The following LGR6 variants were observed in gnomAD, a reference collection of about 807,000 sequenced individuals.
LGR6 encodes the protein leucine-rich repeat-containing G protein-coupled receptor 6.
LGR6 carries 45 observed loss-of-function variants against 69.4 expected under a neutral mutation model. That is an observed-to-expected ratio of 0.65 (90% CI 0.51 to 0.83). The LOEUF is 0.83. LGR6 is among the 40% of genes least tolerant of loss of function. The pLI is 0.00. For missense variants in LGR6, 1,108 were observed against 1,246.7 expected (o/e 0.89, Z 1.68); for synonymous variants, 538 against 555.0 (o/e 0.97, Z 0.43).
chr1:202,197,108 A>G (rs748751473), intron 1 of LGR6: 3 of 532,580 alleles, frequency 5.6e-6, no homozygotes, highest in South Asian at 1.4e-5. Flanking sequence ...TATGGGCTCC[A>G]GAAGGTACCC....
rs757054767 is a variant in LGR6 at position 202,310,263 on chromosome 1, C to T, written c.1473C>T (p.Ala491=). 6.2e-7 allele frequency: 1 copy of T among 1,614,130 alleles called. No individual in the cohort carries two copies. Among genetic ancestry groups the T allele is most frequent in the African/African-American group, 1.3e-5 (1 of 75,016 alleles). The change falls in exon 16 of 18, where the codon GCC becomes GCT. Residue 491 remains alanine (A), a synonymous_variant. Transcript: ENST00000367278. ...PYGMCASFFK[A]SGQWEAEDLH... ...GGATGTGTGCCAGCTTCTTCAAGGC[C>T]TCTGGGCAGTGGGAGGCTGAAGACC...
In LGR6 at chr1:202,205,771, CCAAA is replaced by C. The variant is rs1275134277; in HGVS notation, c.212+11573_212+11576del. Among the ~76,000 whole-genome samples, 21 of 148,106 alleles carry C rather than the reference CCAAA, an allele frequency of 1.4e-4. No homozygotes were observed. The South Asian group carries it at 4.2e-3, about 30-fold the overall frequency. ...CTCCTTCAAATACACACACACACCT[CCAAA>C]CACATACGCACACCTCCTTCAAACA... On this transcript the variant is annotated intron_variant, in intron 1 of 17. Transcript: ENST00000367278.
At chr1:202,244,743 G>A (rs1027630004) in intron 4 of LGR6, among the ~76,000 whole-genome samples, 2 of 152,196 alleles carry the variant, frequency 1.3e-5, no homozygotes, top group Non-Finnish European at 2.9e-5. Flanking sequence ...TCTGGAAGTT[G>A]TATATCTTCT....
chr1:202,204,938 T>C (rs752723478), intron 1 of LGR6, among the ~76,000 whole-genome samples: 245 of 1,616 alleles, frequency 0.15, 48 homozygotes, highest in South Asian at 0.42. Context: ...CACACCTCCT[T>C]CAAGCACACA....
At chr1:202,245,467 G>A (rs1288852445) in intron 4 of LGR6, among the ~76,000 whole-genome samples, 8 of 152,154 alleles carry the variant, frequency 5.3e-5, no homozygotes, top group African/African-American at 9.7e-5. Context: ...GGCCCAAGTC[G>A]GGCCACCCAG....
At position 202,296,480 on chromosome 1, in the gene LGR6, T is replaced by G. The variant is rs112545447; in HGVS notation, c.717-1028T>G. Among the ~76,000 whole-genome samples, 1,004 of 152,318 alleles carry G rather than the reference T, an allele frequency of 6.6e-3. 11 individuals are homozygous for G. Among genetic ancestry groups the G allele is most frequent in the African/African-American group, 0.022 (934 of 41,584 alleles). ...TACTTCCCAGTCACTCTGTACTATC[T>G]CCCTCAAAACTCCAATGCTCACCTC... On this transcript the variant is annotated intron_variant, in intron 6 of 17. Coordinates refer to ENST00000367278, the MANE Select transcript of LGR6 (RefSeq NM_001017403.2).
intron 4 of LGR6, among the ~76,000 whole-genome samples, chr1:202,247,716 T>A (rs1222133249): frequency 2.0e-5 from 3 of 152,146 alleles, no homozygotes; most frequent in Admixed American, 6.5e-5. Context: ...CTTGGGAAGG[T>A]ACATTAGAGT....
intron 5 of LGR6, among the ~76,000 whole-genome samples, chr1:202,277,575 T>C (rs886432607): frequency 2.0e-5 from 3 of 152,006 alleles, no homozygotes; most frequent in South Asian, 2.1e-4. Flanking sequence ...ATAAGATTAC[T>C]GGAGAAATAA....
At chr1:202,210,745 CT>C (rs958794926) in intron 1 of LGR6, 2 of 152,150 alleles carry the variant, frequency 1.3e-5, no homozygotes, top group African/African-American at 4.8e-5. Context: ...AAGAAAACTT[CT>C]TTTGAAAATT....
intron 1 of LGR6, among the ~76,000 whole-genome samples, 187 bp downstream of exon 1, chr1:202,194,388 C>A (rs1812761): frequency 0.69 from 105,234 of 151,940 alleles, 39,494 homozygotes; most frequent in South Asian, 0.91. Context: ...AAATACCAGG[C>A]GAGCAGGGAG....
chr1:202,199,481 G>A (rs990833475), intron 1 of LGR6, among the ~76,000 whole-genome samples: 1 of 152,230 alleles, frequency 6.6e-6, no homozygotes, highest in Non-Finnish European at 1.5e-5. Context: ...TCTCGGCTCT[G>A]GCAGCAGCGG....
rs1436355921 is a variant in LGR6 at position 202,318,173 on chromosome 1, C to T, written c.1870C>T (p.Leu624=). 6.2e-7 allele frequency: 1 copy of T among 1,613,658 alleles called. No individual in the cohort carries two copies. Among genetic ancestry groups the T allele is most frequent in the African/African-American group, 1.3e-5 (1 of 74,948 alleles). Residue 624 remains leucine, a synonymous_variant, in exon 18 of 18, where the codon CTG becomes TTG. Transcript: ENST00000367278. ...TGGCCTTCTAGCCTCAGTCGATGCCCTGACCTTTGGTCAGTTCTCTGAGTA... is the reference window on the plus strand; with the variant it reads ...TGGCCTTCTAGCCTCAGTCGATGCCTTGACCTTTGGTCAGTTCTCTGAGTA... ...SCGLLASVDA[L]TFGQFSEYGA... is the part of the protein sequence containing the mutation.
rs1464721794 is a variant in LGR6, at chr1:202,241,714, G to C, written c.428+5721G>C. On this transcript the variant is annotated intron_variant, in intron 4 of 17. Coordinates refer to ENST00000367278, the MANE Select transcript of LGR6 (RefSeq NM_001017403.2). ...CAGCATGGCAAAGCAGAAGAAGTGGGGGCTGCGCTGGTCTGGGTCCTGGGG... is the reference window on the plus strand; with the variant it reads ...CAGCATGGCAAAGCAGAAGAAGTGGCGGCTGCGCTGGTCTGGGTCCTGGGG... Among the ~76,000 whole-genome samples the C allele has an allele frequency of 3.3e-5, 5 of 152,114 alleles. No individual in the cohort carries two copies. In the East Asian group the frequency reaches 9.7e-4, roughly 29 times the overall value.
At chr1:202,204,526 C>G (rs1228150295) in intron 1 of LGR6, among the ~76,000 whole-genome samples, 1 of 3,602 alleles carries the variant, frequency 2.8e-4, no homozygotes, top group Non-Finnish European at 5.8e-4. Flanking sequence ...CACCTCCAAA[C>G]ACACACACCT....
chr1:202,317,964 C>A lies in LGR6; in HGVS notation c.1661C>A (p.Pro554His). Reference protein sequence around the residue: ...QCSPTPGPFKPCEYLFESWGI... With the variant: ...QCSPTPGPFKHCEYLFESWGI... ...ATCTCTCCTACAGGCCCCTTCAAGC[C>A]CTGTGAGTACCTCTTTGAAAGCTGG... The change falls in exon 18 of 18, where the codon CCC (proline) becomes CAC (histidine). Residue 554 changes from proline (P) to histidine (H), a missense_variant. Coordinates refer to ENST00000367278, the MANE Select transcript of LGR6 (RefSeq NM_001017403.2). 1 of 1,610,618 alleles carries A rather than the reference C, an allele frequency of 6.2e-7. No homozygotes were observed. Among genetic ancestry groups the A allele is most frequent in the Non-Finnish European group, 8.5e-7 (1 of 1,178,122 alleles).
intron 4 of LGR6, among the ~76,000 whole-genome samples, chr1:202,238,981 G>A (rs149580872): frequency 1.6e-4 from 25 of 151,958 alleles, no homozygotes; most frequent in African/African-American, 6.0e-4. Flanking sequence ...GGCGTAAAAT[G>A]GCGTCAGCCC....
At chr1:202,208,634 C>T (rs1348801398) in intron 1 of LGR6, among the ~76,000 whole-genome samples, 2 of 152,194 alleles carry the variant, frequency 1.3e-5, no homozygotes, top group South Asian at 2.1e-4. Context: ...GCCTACCCCC[C>T]CGCCAGCCGA....
At chr1:202,261,087 A>G (rs544945464) in intron 4 of LGR6, among the ~76,000 whole-genome samples, 2 of 151,818 alleles carry the variant, frequency 1.3e-5, no homozygotes, top group East Asian at 1.9e-4. Context: ...TTTTATTATT[A>G]TTATTATTAT....
chr1:202,247,978 G>A (rs987912850), intron 4 of LGR6, among the ~76,000 whole-genome samples: 1 of 152,152 alleles, frequency 6.6e-6, no homozygotes, highest in East Asian at 1.9e-4. Flanking sequence ...AAGAAGGGTC[G>A]GGGGCTGGGA....
Sources: gnomAD v4.1 joint callset for allele counts (sites outside exome capture counted in the v4.1 genomes callset) on GRCh38, gnomAD v4.1.1 for gene constraint, MANE v1.5 for transcripts, NCBI Gene and HGNC (gene_info 2026-07-23, HGNC 2026-07-21) for gene names.